Variants in GALNT17 observed in about 807,000 individuals in gnomAD.
GALNT17 encodes the protein UDP-GalNAc:polypeptide N-acetylgalactosaminyltransferase-like 3.
Under a neutral mutation model 63.7 loss-of-function variants are expected in GALNT17, and 29 were observed. The ratio of observed to expected loss-of-function variants is 0.46; its 90% CI spans 0.34 to 0.62. The LOEUF is 0.62. Among genes scored for constraint, GALNT17 ranks in the 20% least tolerant of loss-of-function variants. The pLI, the probability that GALNT17 is intolerant of heterozygous loss-of-function variation, is 0.01. For missense variants in GALNT17, 603 were observed against 799.6 expected (o/e 0.75, Z 2.97); for synonymous variants, 305 against 318.3 (o/e 0.96, Z 0.45).
chr7:71,146,936 G>A (rs146081895), intron 1 of GALNT17, among the ~76,000 whole-genome samples: 35 of 152,276 alleles, frequency 2.3e-4, no homozygotes, highest in African/African-American at 8.2e-4. Flanking sequence ...CCTAGCCTCG[G>A]ACACAAGGGA....
rs776585104 is a variant in GALNT17, at chr7:71,665,372, A to G, written c.1081-39A>G. On this transcript the variant is annotated intron_variant, in intron 6 of 10. Transcript: ENST00000333538. ...TTGGGGAGGGGGCATAGCCTCTGGG[A>G]ATTTCTTTTTCAGGCTGATGAAATC... The G allele has an allele frequency of 1.9e-6, 3 of 1,571,722 alleles. No individual in the cohort carries two copies. The South Asian group carries it at 3.5e-5, about 19-fold the overall frequency.
intron 1 of GALNT17, among the ~76,000 whole-genome samples, chr7:71,148,040 C>T (rs527913420): frequency 6.6e-6 from 1 of 152,306 alleles, no homozygotes; most frequent in East Asian, 1.9e-4. Context: ...AGTGGATCTT[C>T]TTTTAGCCCT....
chr7:71,508,985 C>T (rs1788310185), intron 5 of GALNT17, among the ~76,000 whole-genome samples: 1 of 152,128 alleles, frequency 6.6e-6, no homozygotes, highest in Non-Finnish European at 1.5e-5. Flanking sequence ...TACAGCCTCT[C>T]ACCTGCTTTC....
intron 5 of GALNT17, among the ~76,000 whole-genome samples, chr7:71,544,803 T>C (rs1223136950): frequency 2.0e-5 from 3 of 151,948 alleles, no homozygotes; most frequent in Non-Finnish European, 4.4e-5. Context: ...TCATCATGGA[T>C]GAGCTGTATC....
intron 4 of GALNT17, among the ~76,000 whole-genome samples, chr7:71,418,281 C>A (rs1435676850): frequency 6.6e-6 from 1 of 152,226 alleles, no homozygotes; most frequent in Non-Finnish European, 1.5e-5. Context: ...ATTTTCCACA[C>A]TTCTACCCGG....
At chr7:71,478,751 T>C (rs1040868207) in intron 5 of GALNT17, among the ~76,000 whole-genome samples, 1 of 152,042 alleles carries the variant, frequency 6.6e-6, no homozygotes, top group Non-Finnish European at 1.5e-5. Flanking sequence ...TCTGTGAAGA[T>C]AGGGGTAGGA....
intron 1 of GALNT17, among the ~76,000 whole-genome samples, chr7:71,299,237 G>T (rs1791146201): frequency 6.6e-6 from 1 of 152,164 alleles, no homozygotes; most frequent in South Asian, 2.1e-4. Context: ...TAAGGCCAGT[G>T]CTCTTGCATG....
intron 1 of GALNT17, among the ~76,000 whole-genome samples, chr7:71,319,110 C>CTTTCTTTCTTTCTTTCTTTCTTTCTT (rs1562998719): frequency 1.3e-5 from 2 of 151,026 alleles, no homozygotes; most frequent in African/African-American, 4.9e-5. Context: ...TTCTTTCTTT[C>CTTTCTTTCTTTCTTTCTTTCTTTCTT]TTTCTTTCTT....
chr7:71,285,069 A>T (rs987870198), intron 1 of GALNT17, among the ~76,000 whole-genome samples: 2 of 152,218 alleles, frequency 1.3e-5, no homozygotes. Context: ...TCTATTTTGG[A>T]TGAGAAAAGA....
At chr7:71,603,444 G>A (rs918345429) in intron 6 of GALNT17, among the ~76,000 whole-genome samples, 7 of 149,392 alleles carry the variant, frequency 4.7e-5, no homozygotes, top group South Asian at 2.1e-4. Flanking sequence ...GATACTATGC[G>A]AAGTGCATAT....
At chr7:71,406,718 G>C (rs1291358638) in intron 3 of GALNT17, among the ~76,000 whole-genome samples, 1 of 147,618 alleles carries the variant, frequency 6.8e-6, no homozygotes, top group African/African-American at 2.5e-5. Context: ...ATTCTCAGGC[G>C]CACCTGTATT....
At position 71,421,301 on chromosome 7, in the gene GALNT17, T is replaced by G. The variant is rs1786660125; in HGVS notation, c.962+196T>G. Among the ~76,000 whole-genome samples, 4 of 152,270 alleles carry G rather than the reference T, an allele frequency of 2.6e-5. No individual in the cohort carries two copies. In the South Asian group the frequency reaches 8.3e-4, roughly 32 times the overall value. On this transcript the variant is annotated intron_variant, in intron 5 of 10. Transcript: ENST00000333538. ...TTGCATTTTGCACCTTTATGTAAAG[T>G]TTTCAAGTGCAGCTTTCCAACAGCG...
At chr7:71,420,186 A>G (rs1048785638) in intron 4 of GALNT17, among the ~76,000 whole-genome samples, 1 of 152,114 alleles carries the variant, frequency 6.6e-6, no homozygotes, top group African/African-American at 2.4e-5. Flanking sequence ...GCTGTCTCCT[A>G]AGCCAGTCGG....
chr7:71,613,804 T>TC (rs1021457923), intron 6 of GALNT17, among the ~76,000 whole-genome samples: 1 of 151,248 alleles, frequency 6.6e-6, no homozygotes, highest in African/African-American at 2.4e-5. Context: ...TTTTTTTTTT[T>TC]TTTTTTTTAG....
chr7:71,337,761 G>A (rs1267510908), intron 2 of GALNT17, among the ~76,000 whole-genome samples: 7 of 151,668 alleles, frequency 4.6e-5, no homozygotes, highest in Admixed American at 1.3e-4. Flanking sequence ...CCAGCTACTC[G>A]GGAGGCTGAG....
intron 1 of GALNT17, among the ~76,000 whole-genome samples, chr7:71,302,264 G>A (rs1412301556): frequency 1.3e-5 from 2 of 152,186 alleles, no homozygotes; most frequent in Non-Finnish European, 2.9e-5. Flanking sequence ...ATACCTAGGT[G>A]ATGGGTTGAT....
chr7:71,637,774 G>C (rs1790548662), intron 6 of GALNT17, among the ~76,000 whole-genome samples: 1 of 152,166 alleles, frequency 6.6e-6, no homozygotes, highest in Non-Finnish European at 1.5e-5. Context: ...CAGACCATCT[G>C]CTCCATCTGG....
intron 1 of GALNT17, among the ~76,000 whole-genome samples, chr7:71,274,764 C>T (rs374510287): frequency 6.6e-6 from 1 of 152,202 alleles, no homozygotes; most frequent in Admixed American, 6.5e-5. Flanking sequence ...GCAGGCTCAC[C>T]AGCCTGTGGA....
At chr7:71,596,515 G>A (rs1789889344) in intron 6 of GALNT17, among the ~76,000 whole-genome samples, 1 of 152,042 alleles carries the variant, frequency 6.6e-6, no homozygotes, top group Admixed American at 6.6e-5. Context: ...TGCCTTAGGA[G>A]AAGTCAGGGC....
Sources: gnomAD v4.1 joint callset for allele counts (sites outside exome capture counted in the v4.1 genomes callset) on GRCh38, gnomAD v4.1.1 for gene constraint, MANE v1.5 for transcripts, NCBI Gene and HGNC (gene_info 2026-07-23, HGNC 2026-07-21) for gene names.